CRB1: variants seen among roughly 807,000 people sequenced by gnomAD.
CRB1 encodes crumbs cell polarity complex component 1, also known as protein crumbs homolog 1.
CRB1 carries 83 observed loss-of-function variants against 120.0 expected under a neutral mutation model. The observed-to-expected ratio is 0.69, with a 90% CI of 0.58 to 0.83. The LOEUF is 0.83. Among genes scored for constraint, CRB1 ranks in the 40% least tolerant of loss-of-function variants. The pLI is 0.00. For missense variants in CRB1, 1,699 were observed against 1,687.6 expected (o/e 1.01, Z -0.12); for synonymous variants, 625 against 612.5 (o/e 1.02, Z -0.30).
rs1264800073 is a variant in CRB1 at position 197,344,444 on chromosome 1, C to T, written c.816C>T (p.Leu272=). The T allele has an allele frequency of 6.2e-7, 1 of 1,614,014 alleles. No homozygotes were observed. The highest frequency in any genetic ancestry group is 1.7e-5 in the Admixed American group (1 of 59,982). The change falls in exon 3 of 12, where the codon CTC becomes CTT. Residue 272 remains leucine (L), a synonymous_variant. Transcript: ENST00000367400. ...NTDECASQPC[L]HGGLCVDGEN... is the part of the protein sequence containing the mutation. Reference sequence around the variant, plus strand: ...ATGAGTGTGCCAGTCAACCTTGTCTCCATGGAGGGCTGTGTGTGGATGGAG... The same window carrying T: ...ATGAGTGTGCCAGTCAACCTTGTCTTCATGGAGGGCTGTGTGTGGATGGAG...
chr1:197,438,239 C>T (rs1433284845), intron 9 of CRB1: 1 of 337,784 alleles, frequency 3.0e-6, no homozygotes, highest in Non-Finnish European at 5.7e-6. Context: ...AGCAGCAAAT[C>T]TAGTTATAGC....
intron 1 of CRB1, among the ~76,000 whole-genome samples, chr1:197,304,047 G>A (rs1657029453): frequency 6.6e-6 from 1 of 152,076 alleles, no homozygotes; most frequent in Non-Finnish European, 1.5e-5. Context: ...AAATGGAAGA[G>A]TTATACTCTA....
chr1:197,281,520 A>ACTG (rs1464337539), intron 1 of CRB1, among the ~76,000 whole-genome samples: 1 of 151,792 alleles, frequency 6.6e-6, no homozygotes, highest in African/African-American at 2.4e-5. Context: ...GTTGAAAGCC[A>ACTG]CTGAAGGACT....
chr1:197,281,276 C>T (rs1655506159), intron 1 of CRB1, among the ~76,000 whole-genome samples: 1 of 151,782 alleles, frequency 6.6e-6, no homozygotes, highest in African/African-American at 2.4e-5. Flanking sequence ...GCAGTGTCTG[C>T]ATAATTAAAG....
At chr1:197,349,492 G>C (rs1343402632) in intron 4 of CRB1, among the ~76,000 whole-genome samples, 1 of 152,098 alleles carries the variant, frequency 6.6e-6, no homozygotes, top group East Asian at 1.9e-4. Context: ...TCAAGGCCTA[G>C]TTATATAAGC....
intron 5 of CRB1, among the ~76,000 whole-genome samples, chr1:197,416,257 T>C (rs533575096): frequency 6.6e-6 from 1 of 152,376 alleles, no homozygotes; most frequent in Admixed American, 6.5e-5. Flanking sequence ...CAATATTTAT[T>C]GATTTGACTT....
upstream of CRB1, chr1:197,268,174 A>C: frequency 2.1e-6 from 1 of 486,310 alleles, no homozygotes; most frequent in Admixed American, 3.3e-5. Context: ...GCCTGAAAAA[A>C]TCTGCACCAG....
At chr1:197,462,005 A>G (rs1165271579) in intron 11 of CRB1, among the ~76,000 whole-genome samples, 2 of 152,188 alleles carry the variant, frequency 1.3e-5, no homozygotes, top group African/African-American at 4.8e-5. Context: ...CATGCCATGA[A>G]TTGCAGGAAC....
chr1:197,345,499 T>C (rs1252005041), intron 3 of CRB1, among the ~76,000 whole-genome samples: 1 of 145,212 alleles, frequency 6.9e-6, no homozygotes, highest in Admixed American at 6.9e-5. Context: ...GCAAAAATAA[T>C]GACTTTTTTT....
At chr1:197,232,330 C>A in the CRB1 span, among the ~76,000 whole-genome samples, 4 of 151,978 alleles carry the variant, frequency 2.6e-5, no homozygotes, top group Non-Finnish European at 5.9e-5. Flanking sequence ...AATGGGAAAT[C>A]AATACACTTA....
intron 11 of CRB1, among the ~76,000 whole-genome samples, chr1:197,472,894 G>T (rs576444755): frequency 3.7e-4 from 57 of 152,266 alleles, no homozygotes; most frequent in East Asian, 3.7e-3. Flanking sequence ...ATAAACAAGA[G>T]TAATCACATG....
chr1:197,297,532 G>A (rs1656603457), intron 1 of CRB1, among the ~76,000 whole-genome samples: 1 of 152,060 alleles, frequency 6.6e-6, no homozygotes, highest in Non-Finnish European at 1.5e-5. Flanking sequence ...ATGACCAGTA[G>A]CGTTGCTATG....
chr1:197,416,482 G>A (rs1362369084), intron 5 of CRB1, among the ~76,000 whole-genome samples: 13 of 151,956 alleles, frequency 8.6e-5, no homozygotes, highest in Admixed American at 3.3e-4. Context: ...CTAGGTCTAC[G>A]TCTTCTAGTT....
At chr1:197,218,930 G>A in the CRB1 span, among the ~76,000 whole-genome samples, 1 of 152,286 alleles carries the variant, frequency 6.6e-6, no homozygotes, top group Admixed American at 6.5e-5. Context: ...TAGGAAAACA[G>A]ATTTATCATA....
Position 197,368,216 on chromosome 1 carries a change from TCTTA to T in CRB1, c.1171+11209_1171+11212del, listed in dbSNP as rs532518946. On this transcript the variant is annotated intron_variant, in intron 5 of 11. Transcript: ENST00000367400. ...TTGTTCCTAGAAATGCACTTTTTTTTCTTACTTACAATTTCAAATTTGAGAATAT... is the reference window on the plus strand; with the variant it reads ...TTGTTCCTAGAAATGCACTTTTTTTTCTTACAATTTCAAATTTGAGAATAT... Among the ~76,000 whole-genome samples, 336 of 152,350 alleles carry T rather than the reference TCTTA, an allele frequency of 2.2e-3. 2 individuals are homozygous for T. Among genetic ancestry groups the T allele is most frequent in the African/African-American group, 7.8e-3 (326 of 41,576 alleles).
intron 5 of CRB1, among the ~76,000 whole-genome samples, chr1:197,387,968 A>C (rs961083828): frequency 2.6e-5 from 4 of 151,994 alleles, no homozygotes; most frequent in Non-Finnish European, 2.9e-5. Flanking sequence ...TATATAATTG[A>C]AACTGTTGTG....
the CRB1 span, among the ~76,000 whole-genome samples, chr1:197,237,359 G>A: frequency 3.3e-5 from 5 of 152,252 alleles, no homozygotes; most frequent in East Asian, 9.6e-4. Context: ...CTGATATCTG[G>A]TGAGAGCCTC....
At chr1:197,283,490 A>G (rs1571762960) in intron 1 of CRB1, among the ~76,000 whole-genome samples, 2 of 151,734 alleles carry the variant, frequency 1.3e-5, no homozygotes, top group Admixed American at 6.6e-5. Flanking sequence ...AGAACATATG[A>G]TGTTTGGTTT....
At chr1:197,368,305 T>C (rs896247091) in intron 5 of CRB1, among the ~76,000 whole-genome samples, 1 of 152,228 alleles carries the variant, frequency 6.6e-6, no homozygotes, top group Non-Finnish European at 1.5e-5. Context: ...CTCTAAAAGA[T>C]GAAACTTTGC....
Sources: gnomAD v4.1 joint callset for allele counts (sites outside exome capture counted in the v4.1 genomes callset) on GRCh38, gnomAD v4.1.1 for gene constraint, MANE v1.5 for transcripts, NCBI Gene and HGNC (gene_info 2026-07-23, HGNC 2026-07-21) for gene names.